GRIK3: variants seen among roughly 807,000 people sequenced by gnomAD.
GRIK3 encodes glutamate ionotropic receptor kainate type subunit 3.
A neutral mutation model predicts 102.5 loss-of-function variants in GRIK3; 29 were observed. The observed-to-expected ratio is 0.28, with a 90% CI of 0.21 to 0.39. The LOEUF (loss-of-function observed/expected upper bound fraction) is 0.39. Among genes scored for constraint, GRIK3 ranks in the 10% least tolerant of loss-of-function variants. The probability of loss-of-function intolerance (pLI) is 1.00; values close to 1 mark genes in which losing one functional copy is unlikely to be tolerated. For missense variants in GRIK3, 908 were observed against 1,252.4 expected (o/e 0.73, Z 4.15); for synonymous variants, 511 against 504.9 (o/e 1.01, Z -0.16).
intron 1 of GRIK3, among the ~76,000 whole-genome samples, chr1:36,929,034 C>T (rs1315577622): frequency 6.6e-6 from 1 of 152,100 alleles, no homozygotes; most frequent in African/African-American, 2.4e-5. Context: ...AAAATCTTTC[C>T]TATGGGATAG....
At chr1:36,816,709 C>T (rs777257612) in intron 13 of GRIK3, among the ~76,000 whole-genome samples, 1 of 152,192 alleles carries the variant, frequency 6.6e-6, no homozygotes, top group Admixed American at 6.5e-5. Flanking sequence ...AAGCCAAGGG[C>T]GGGAAGCCCC....
At chr1:36,862,129 A>G (rs1440721148) in intron 5 of GRIK3, among the ~76,000 whole-genome samples, 3 of 152,160 alleles carry the variant, frequency 2.0e-5, no homozygotes, top group Non-Finnish European at 2.9e-5. Context: ...ACCCAGGTCT[A>G]TTTCAATGGT....
intron 1 of GRIK3, among the ~76,000 whole-genome samples, chr1:36,949,391 C>G (rs1198448104): frequency 6.6e-6 from 1 of 152,110 alleles, no homozygotes; most frequent in Admixed American, 6.5e-5. Flanking sequence ...ACAGGGCTCT[C>G]CCCAAGAAGG....
At chr1:36,956,134 C>G (rs890372524) in intron 1 of GRIK3, among the ~76,000 whole-genome samples, 3 of 152,212 alleles carry the variant, frequency 2.0e-5, no homozygotes, top group Non-Finnish European at 4.4e-5. Flanking sequence ...GAACTCTGCT[C>G]CCCGCCCTTT....
At chr1:36,813,896 A>C (rs1186454256) in intron 13 of GRIK3, among the ~76,000 whole-genome samples, 1 of 152,154 alleles carries the variant, frequency 6.6e-6, no homozygotes, top group East Asian at 1.9e-4. Context: ...CTTCACTTGA[A>C]TTAAGGCAGG....
intron 1 of GRIK3, among the ~76,000 whole-genome samples, chr1:36,989,898 C>A (rs1642346824): frequency 6.6e-6 from 1 of 152,188 alleles, no homozygotes; most frequent in African/African-American, 2.4e-5. Flanking sequence ...ATGCTAAGCC[C>A]CTCCCAGACA....
chr1:36,917,314 T>C (rs1641412787), intron 1 of GRIK3, among the ~76,000 whole-genome samples: 1 of 152,248 alleles, frequency 6.6e-6, no homozygotes, highest in Non-Finnish European at 1.5e-5. Flanking sequence ...GGGACTTGCC[T>C]TGTCTCAGAT....
At chr1:36,853,577 G>A in intron 8 of GRIK3, 38 bp downstream of exon 8, 1 of 1,344,352 alleles carries the variant, frequency 7.4e-7, no homozygotes, top group Non-Finnish European at 1.1e-6. Flanking sequence ...AGAAGCCCCT[G>A]CTCCTCCGCC....
At chr1:36,965,007 T>TAGC (rs2124352145) in intron 1 of GRIK3, among the ~76,000 whole-genome samples, 1 of 152,338 alleles carries the variant, frequency 6.6e-6, no homozygotes, top group South Asian at 2.1e-4. Flanking sequence ...GTTTATCACA[T>TAGC]AGCAGTGCTG....
chr1:36,921,500 G>A (rs138814337), intron 1 of GRIK3, among the ~76,000 whole-genome samples: 40 of 152,332 alleles, frequency 2.6e-4, no homozygotes, highest in African/African-American at 9.6e-4. Flanking sequence ...GTTCCATGAG[G>A]ATCGGGTGAG....
chr1:36,910,633 G>C (rs1361647512), intron 1 of GRIK3, among the ~76,000 whole-genome samples: 1 of 152,232 alleles, frequency 6.6e-6, no homozygotes, highest in East Asian at 1.9e-4. Context: ...GGTTTACAGA[G>C]GTGGAGCAGC....
chr1:36,838,833 G>A (rs1360449889), intron 10 of GRIK3, among the ~76,000 whole-genome samples: 3 of 152,202 alleles, frequency 2.0e-5, no homozygotes, highest in South Asian at 2.1e-4. Flanking sequence ...ATATGGTTAT[G>A]ATGTTATTAA....
chr1:37,026,270 T>C (rs773869588), intron 1 of GRIK3, among the ~76,000 whole-genome samples: 3 of 152,214 alleles, frequency 2.0e-5, no homozygotes, highest in Non-Finnish European at 2.9e-5. Context: ...GAGCTGACAT[T>C]ATGAGCATCC....
intron 1 of GRIK3, among the ~76,000 whole-genome samples, chr1:36,903,167 G>A (rs1254554060): frequency 3.3e-5 from 5 of 152,154 alleles, no homozygotes; most frequent in African/African-American, 1.2e-4. Flanking sequence ...ATTAAAAAGT[G>A]GGCCAAAGAC....
intron 3 of GRIK3, among the ~76,000 whole-genome samples, chr1:36,879,330 C>CA (rs1042732101): frequency 4.0e-5 from 6 of 151,856 alleles, no homozygotes; most frequent in African/African-American, 9.7e-5. Context: ...CTTGGCTCTA[C>CA]AAAAAAATAC....
chr1:37,030,533 CCA>C (rs1309963568), intron 1 of GRIK3, among the ~76,000 whole-genome samples: 23 of 107,148 alleles, frequency 2.1e-4, no homozygotes, highest in African/African-American at 2.9e-4. Flanking sequence ...TTCCTTTTCC[CCA>C]CCCCCCACCC....
chr1:36,836,848 G>C lies in GRIK3; in HGVS notation c.1530+4888C>G, dbSNP rs527385488. Among the ~76,000 whole-genome samples the C allele has an allele frequency of 5.3e-5, 8 of 152,272 alleles. No individual in the cohort carries two copies. The East Asian group carries it at 1.4e-3, about 26-fold the overall frequency. The stretch of plus-strand genomic sequence containing the variant: ...AGCCAGGACAGAATTCTGGGTCTCC[G>C]AGGGTGAAATTTGAGAATAGGAGCA... On this transcript the variant is annotated intron_variant, in intron 10 of 15. Coordinates refer to ENST00000373091, the MANE Select transcript of GRIK3 (RefSeq NM_000831.4).
intron 11 of GRIK3, 76 bp downstream of exon 11, chr1:36,825,527 G>C (rs969100835): frequency 2.2e-6 from 2 of 924,426 alleles, no homozygotes; most frequent in Non-Finnish European, 3.2e-6. Context: ...TGTGCCAGGG[G>C]CTGAGGAGAT....
chr1:36,944,400 C>T (rs1641760394), intron 1 of GRIK3, among the ~76,000 whole-genome samples: 1 of 152,158 alleles, frequency 6.6e-6, no homozygotes, highest in South Asian at 2.1e-4. Flanking sequence ...GCAGGCTTCC[C>T]ACTCATTTCT....
Sources: gnomAD v4.1 joint callset for allele counts (sites outside exome capture counted in the v4.1 genomes callset) on GRCh38, gnomAD v4.1.1 for gene constraint, MANE v1.5 for transcripts, NCBI Gene and HGNC (gene_info 2026-07-23, HGNC 2026-07-21) for gene names.